The following DAPK2 variants were observed in gnomAD, a reference collection of about 807,000 sequenced individuals.
The protein encoded by DAPK2 is death associated protein kinase 2.
DAPK2 carries 35 observed loss-of-function variants against 44.1 expected under a neutral mutation model. The ratio of observed to expected loss-of-function variants is 0.79; its 90% confidence interval spans 0.61 to 1.05. DAPK2 has a LOEUF of 1.05. Among genes scored for constraint, DAPK2 ranks in the 50% least tolerant of loss-of-function variants. The pLI is 0.00. For missense variants in DAPK2, 453 were observed against 483.2 expected, an observed-to-expected ratio of 0.94 and a Z score of 0.59; for synonymous variants, 174 against 182.6, an observed-to-expected ratio of 0.95 and a Z score of 0.38.
chr15:63,973,637 G>T (rs1427036183), intron 2 of DAPK2, among the ~76,000 whole-genome samples: 1 of 152,180 alleles, frequency 6.6e-6, no homozygotes, highest in Non-Finnish European at 1.5e-5. Flanking sequence ...ATTTAGATGA[G>T]ACTTTGGACT....
intron 2 of DAPK2, among the ~76,000 whole-genome samples, chr15:63,981,554 G>A (rs375390139): frequency 6.6e-6 from 1 of 151,986 alleles, no homozygotes; most frequent in Non-Finnish European, 1.5e-5. Flanking sequence ...TACAATGATT[G>A]TATACAAATA....
intron 1 of DAPK2, among the ~76,000 whole-genome samples, chr15:64,008,048 G>A (rs1373912281): frequency 6.6e-6 from 1 of 152,072 alleles, no homozygotes; most frequent in Non-Finnish European, 1.5e-5. Context: ...ACTGCTAATG[G>A]GTAAGGGGGT....
intron 3 of DAPK2, among the ~76,000 whole-genome samples, chr15:63,958,963 A>G (rs4776271): frequency 0.45 from 68,208 of 151,990 alleles, 17,234 homozygotes; most frequent in East Asian, 0.97. Context: ...CATTTTCACA[A>G]TATTGATTCT....
intron 4 of DAPK2, among the ~76,000 whole-genome samples, chr15:63,938,439 C>A (rs1245659276): frequency 1.3e-5 from 2 of 152,240 alleles, no homozygotes; most frequent in African/African-American, 4.8e-5. Context: ...ACGGTGGCTG[C>A]AGAGCCTGAA....
intron 1 of DAPK2, among the ~76,000 whole-genome samples, chr15:64,011,901 T>A (rs1595889747): frequency 6.6e-6 from 1 of 152,262 alleles, no homozygotes; most frequent in East Asian, 1.9e-4. Flanking sequence ...CAAGGACCAC[T>A]TAAAGAAGTC....
At chr15:63,960,503 C>T (rs1395121874) in intron 3 of DAPK2, among the ~76,000 whole-genome samples, 1 of 125,278 alleles carries the variant, frequency 8.0e-6, no homozygotes, top group Non-Finnish European at 1.8e-5. Context: ...TATAAATTTC[C>T]CTCTACACAC....
chr15:64,011,611 T>G (rs953495083), intron 1 of DAPK2, among the ~76,000 whole-genome samples: 2 of 152,256 alleles, frequency 1.3e-5, no homozygotes, highest in African/African-American at 4.8e-5. Flanking sequence ...AAATGTTCTA[T>G]ATCTGTGCTG....
intron 3 of DAPK2, among the ~76,000 whole-genome samples, chr15:63,947,273 C>T (rs1286299397): frequency 1.3e-5 from 2 of 152,182 alleles, no homozygotes; most frequent in African/African-American, 4.8e-5. Context: ...GCACACACCT[C>T]TGGCAGAGAA....
chr15:63,963,359 T>C (rs539782354), intron 3 of DAPK2, among the ~76,000 whole-genome samples: 1 of 152,346 alleles, frequency 6.6e-6, no homozygotes, highest in Admixed American at 6.5e-5. Context: ...CAAGCCCCAG[T>C]GAGAGGAACC....
chr15:63,941,434 T>C (rs943182973), intron 3 of DAPK2, among the ~76,000 whole-genome samples: 1 of 152,216 alleles, frequency 6.6e-6, no homozygotes, highest in Admixed American at 6.5e-5. Context: ...ACTCAGATCT[T>C]TGCATCTTTG....
intron 3 of DAPK2, among the ~76,000 whole-genome samples, chr15:63,971,179 G>A (rs1322392222): frequency 6.6e-6 from 1 of 152,140 alleles, no homozygotes; most frequent in East Asian, 1.9e-4. Flanking sequence ...TAAATAAGGT[G>A]CCTGAAGTCT....
chr15:63,951,026 C>G (rs1251187191), intron 3 of DAPK2, among the ~76,000 whole-genome samples: 1 of 152,160 alleles, frequency 6.6e-6, no homozygotes, highest in Non-Finnish European at 1.5e-5. Context: ...GGATTCATGC[C>G]TCTTAACACT....
chr15:63,961,539 T>G (rs573264185), intron 3 of DAPK2, among the ~76,000 whole-genome samples: 1 of 152,314 alleles, frequency 6.6e-6, no homozygotes, highest in South Asian at 2.1e-4. Context: ...GCAGGCCTGG[T>G]GGTGACAACA....
chr15:63,907,592 T>C (rs1478348382), exon 11 of DAPK2: 1 of 152,246 alleles, frequency 6.6e-6, no homozygotes. Flanking sequence ...GCTAATTTTT[T>C]GTATTTTTTG....
At chr15:63,984,762 A>G (rs1170116427) in intron 1 of DAPK2, among the ~76,000 whole-genome samples, 1 of 152,198 alleles carries the variant, frequency 6.6e-6, no homozygotes, top group Non-Finnish European at 1.5e-5. Context: ...AGCAGACTCC[A>G]GACTTAAGAG....
intron 1 of DAPK2, among the ~76,000 whole-genome samples, chr15:63,995,277 G>C (rs1190745517): frequency 6.6e-6 from 1 of 152,068 alleles, no homozygotes; most frequent in Non-Finnish European, 1.5e-5. Flanking sequence ...AGCCTCCCAA[G>C]TGGCTAGGAC....
chr15:64,036,956 C>T (rs899755694), intron 1 of DAPK2, among the ~76,000 whole-genome samples: 1 of 152,136 alleles, frequency 6.6e-6, no homozygotes, highest in Non-Finnish European at 1.5e-5. Flanking sequence ...GAACACTTAC[C>T]CCATGCCCAG....
chr15:64,007,617 C>T (rs1331348436), intron 1 of DAPK2, among the ~76,000 whole-genome samples: 1 of 152,208 alleles, frequency 6.6e-6, no homozygotes, highest in Admixed American at 6.5e-5. Context: ...GATGCTTCTC[C>T]TAACAGTTAC....
Position 63,939,245 on chromosome 15 carries a change from C to G in DAPK2, c.570G>C (p.Thr190=). The change falls in exon 4 of 11, where the codon ACG becomes ACC. Residue 190 remains threonine (T), a synonymous_variant. Coordinates refer to ENST00000261891, the Ensembl canonical transcript of DAPK2. The surrounding 1 kb of genome is among the most constrained non-coding windows in gnomAD (Gnocchi z 4.3). ...CCTACAACTCACCAACAAATTCCGG[C>G]GTCCCAAAAATATTCTTAAATTCAA... 6.2e-7 allele frequency: 1 copy of G among 1,613,832 alleles called. No homozygotes were observed. The highest frequency in any genetic ancestry group is 8.5e-7 in the Non-Finnish European group (1 of 1,179,936).
Sources: gnomAD v4.1 joint callset for allele counts (sites outside exome capture counted in the v4.1 genomes callset) on GRCh38, gnomAD v4.1.1 for gene constraint, Gnocchi (gnomAD v3.1) non-coding constraint, MANE v1.5 for transcripts, NCBI Gene and HGNC (gene_info 2026-07-23, HGNC 2026-07-21) for gene names.